INVS: variants seen among roughly 807,000 people sequenced by gnomAD.
INVS encodes inversin.
A neutral mutation model predicts 108.8 loss-of-function variants in INVS; 86 were observed. The ratio of observed to expected loss-of-function variants is 0.79; its 90% CI spans 0.66 to 0.95. INVS has a LOEUF of 0.95. INVS is among the 40% of genes least tolerant of loss of function. INVS has a pLI of 0.00. For missense variants in INVS, 1,169 were observed against 1,297.4 expected (o/e 0.90, Z 1.52); for synonymous variants, 455 against 473.5 (o/e 0.96, Z 0.51).
intron 2 of INVS, among the ~76,000 whole-genome samples, chr9:100,110,820 G>A (rs1447737194): frequency 1.3e-5 from 2 of 152,196 alleles, no homozygotes; most frequent in Non-Finnish European, 2.9e-5. Context: ...AGCAGTGAGT[G>A]AAAATGATAT....
chr9:100,156,717 C>T lies in INVS; in HGVS notation c.273+30168C>T, dbSNP rs573577827. On this transcript the variant is annotated intron_variant, in intron 3 of 16. Coordinates refer to ENST00000262457, the MANE Select transcript of INVS (RefSeq NM_014425.5). ...TGAGGACAATCAACTATATTGATTT[C>T]TGGTTTACCCTTCATATGTTTCATA... 2.0e-5 allele frequency among the ~76,000 whole-genome samples: 3 copies of T among 152,122 alleles called. No homozygotes were observed. In the South Asian group the frequency reaches 6.2e-4, roughly 31 times the overall value.
intron 3 of INVS, among the ~76,000 whole-genome samples, chr9:100,188,177 C>T (rs763865388): frequency 1.3e-5 from 2 of 152,094 alleles, no homozygotes; most frequent in East Asian, 1.9e-4. Context: ...CTTTCTTTCT[C>T]GTGCTGATTG....
At chr9:100,156,724 A>G (rs1828997434) in intron 3 of INVS, among the ~76,000 whole-genome samples, 1 of 152,006 alleles carries the variant, frequency 6.6e-6, no homozygotes, top group South Asian at 2.1e-4. Flanking sequence ...TTTCTGGTTT[A>G]CCCTTCATAT....
At chr9:100,205,244 A>G (rs1564157792) in intron 3 of INVS, among the ~76,000 whole-genome samples, 1 of 152,134 alleles carries the variant, frequency 6.6e-6, no homozygotes, top group Non-Finnish European at 1.5e-5. Flanking sequence ...AGTAGCCTTA[A>G]TAGATCATTT....
At chr9:100,142,065 C>T (rs919120841) in intron 3 of INVS, among the ~76,000 whole-genome samples, 8 of 152,144 alleles carry the variant, frequency 5.3e-5, no homozygotes, top group Non-Finnish European at 7.4e-5. Context: ...ACCTAATCAG[C>T]GTAAGCGTCG....
chr9:100,155,550 C>T (rs956157487), intron 3 of INVS, among the ~76,000 whole-genome samples: 3 of 152,078 alleles, frequency 2.0e-5, no homozygotes, highest in African/African-American at 7.2e-5. Context: ...GTTGGCCAGG[C>T]TGGTCTCAAA....
intron 3 of INVS, among the ~76,000 whole-genome samples, chr9:100,196,610 A>G (rs1830382292): frequency 1.3e-5 from 2 of 151,414 alleles, no homozygotes; most frequent in Non-Finnish European, 2.9e-5. Flanking sequence ...TCGCTGTTCT[A>G]TCTCAATCTT....
intron 7 of INVS, among the ~76,000 whole-genome samples, chr9:100,245,144 T>G (rs918626569): frequency 6.6e-6 from 1 of 152,232 alleles, no homozygotes; most frequent in Non-Finnish European, 1.5e-5. Context: ...AAAGTTTCTA[T>G]GATCTTTCTA....
At position 100,293,055 on chromosome 9, in the gene INVS, G is replaced by T; in HGVS notation, c.2786+12G>T. 1 of 1,603,840 alleles carries T rather than the reference G, an allele frequency of 6.2e-7. No homozygotes were observed. Among genetic ancestry groups the T allele is most frequent in the Non-Finnish European group, 8.5e-7 (1 of 1,171,708 alleles). On this transcript the variant is annotated intron_variant, in intron 14 of 16. Transcript: ENST00000262457. ...CGCGCCTGGCGAAGGTAGGAAAATG[G>T]GGTGCTGCCGCATCTGTGGTTCTTT...
At chr9:100,126,899 G>C (rs538859748) in intron 3 of INVS, among the ~76,000 whole-genome samples, 26 of 152,140 alleles carry the variant, frequency 1.7e-4, no homozygotes, top group African/African-American at 6.0e-4. Flanking sequence ...AATAGTGGTT[G>C]GGTTTAAATT....
In INVS at chr9:100,292,014, G is replaced by A. The variant is rs188433785; in HGVS notation, c.2069-312G>A. Among the ~76,000 whole-genome samples the A allele has an allele frequency of 3.8e-3, 572 of 152,278 alleles. 4 individuals carry two copies. Among genetic ancestry groups the A allele is most frequent in the Non-Finnish European group, 4.0e-3 (275 of 68,022 alleles). On this transcript the variant is annotated intron_variant, in intron 13 of 16. Transcript: ENST00000262457. ...ACCTGCCTAGACAGTCACTGGATCA[G>A]CTCACATACTTAATTGCTTTGATTT...
intron 8 of INVS, among the ~76,000 whole-genome samples, chr9:100,251,154 TTTTG>T (rs955650521): frequency 1.3e-5 from 2 of 152,136 alleles, no homozygotes; most frequent in South Asian, 2.1e-4. Context: ...TGGGGAATTG[TTTTG>T]TTTTTGTTTT....
At chr9:100,248,426 A>G (rs945217808) in intron 8 of INVS, among the ~76,000 whole-genome samples, 17 of 149,656 alleles carry the variant, frequency 1.1e-4, no homozygotes, top group Non-Finnish European at 1.3e-4. Context: ...CCTTCCTGAC[A>G]TTTCTTTTCT....
intron 3 of INVS, among the ~76,000 whole-genome samples, chr9:100,158,300 G>C (rs1829066366): frequency 6.6e-6 from 1 of 152,078 alleles, no homozygotes; most frequent in African/African-American, 2.4e-5. Flanking sequence ...AATGCAAAAA[G>C]CTTTAGCACT....
intron 3 of INVS, among the ~76,000 whole-genome samples, chr9:100,222,876 C>A (rs1347736152): frequency 6.6e-6 from 1 of 151,036 alleles, no homozygotes; most frequent in Admixed American, 6.6e-5. Flanking sequence ...AGCAGGGTGC[C>A]CTCTTGAGGA....
At chr9:100,161,388 A>AAAAAAAAC (rs1564138793) in intron 3 of INVS, among the ~76,000 whole-genome samples, 2 of 139,046 alleles carry the variant, frequency 1.4e-5, no homozygotes, top group African/African-American at 5.9e-5. Context: ...AAAAAAAAAA[A>AAAAAAAAC]AAAACCTCAT....
At chr9:100,207,145 G>A (rs1471189758) in intron 3 of INVS, among the ~76,000 whole-genome samples, 1 of 150,596 alleles carries the variant, frequency 6.6e-6, no homozygotes, top group East Asian at 1.9e-4. Flanking sequence ...TATCTTGTGG[G>A]AGCTAATTTG....
At chr9:100,154,645 A>G (rs1005864286) in intron 3 of INVS, among the ~76,000 whole-genome samples, 3 of 152,150 alleles carry the variant, frequency 2.0e-5, no homozygotes, top group Non-Finnish European at 2.9e-5. Flanking sequence ...TATTTTATAT[A>G]TAACTATGAA....
intron 3 of INVS, chr9:100,129,751 AC>A (rs1051950700): frequency 8.0e-5 from 55 of 689,178 alleles, no homozygotes; most frequent in Non-Finnish European, 1.3e-4. Context: ...TAAAGTGAGT[AC>A]CACATTCATC....
Sources: gnomAD v4.1 joint callset for allele counts (sites outside exome capture counted in the v4.1 genomes callset) on GRCh38, gnomAD v4.1.1 for gene constraint, MANE v1.5 for transcripts, NCBI Gene and HGNC (gene_info 2026-07-23, HGNC 2026-07-21) for gene names.